HNRNPA2B1: variants seen among roughly 807,000 people sequenced by gnomAD.
HNRNPA2B1 encodes the protein heterogeneous nuclear ribonucleoprotein A2/B1, also known as heterogeneous nuclear ribonucleoproteins A2/B1.
Under a neutral mutation model 46.3 loss-of-function variants are expected in HNRNPA2B1, and 3 were observed. That is an observed-to-expected ratio of 0.06 (90% CI 0.03 to 0.17). The LOEUF (loss-of-function observed/expected upper bound fraction) is 0.17, where lower values mean the gene tolerates loss of function less well. Ranked by LOEUF, HNRNPA2B1 falls within the 10% of genes least tolerant of loss-of-function variation. The pLI, the probability that HNRNPA2B1 is intolerant of heterozygous loss-of-function variation, is 1.00. For missense variants in HNRNPA2B1, 221 were observed against 418.9 expected, an observed-to-expected ratio of 0.53 and a Z score of 4.12; for synonymous variants, 225 against 133.8, an observed-to-expected ratio of 1.68 and a Z score of -4.70.
Position 26,192,542 on chromosome 7 carries a change from C to T in HNRNPA2B1, c.1000G>A (p.Gly334Ser). Residue 334 changes from glycine (G) to serine (S), a missense_variant, in exon 10 of 11, where the codon GGT becomes AGT. Transcript: ENST00000618183. ...YGPGGSGGSGGYGGRSRY is the reference protein window; with the variant it reads ...YGPGGSGGSGSYGGRSRY ...CAGTATCGGCTCCTCCCACCATAAC[C>T]CCCACTTCCTCCACTGCCTCCTGGA... The T allele has an allele frequency of 6.2e-7, 1 of 1,613,984 alleles. No homozygotes were observed. Among genetic ancestry groups the T allele is most frequent in the Non-Finnish European group, 8.5e-7 (1 of 1,179,892 alleles).
chr7:26,197,952 C>CGACCACCG, intron 1 of HNRNPA2B1: 2 of 670,874 alleles, frequency 3.0e-6, no homozygotes, highest in Non-Finnish European at 4.6e-6. Context: ...ATTGCCTCAG[C>CGACCACCG]TGATCTACAC....
intron 6 of HNRNPA2B1, 48 bp from the exon 7 acceptor site, chr7:26,195,957 T>G: frequency 1.3e-6 from 2 of 1,554,180 alleles, no homozygotes; most frequent in Non-Finnish European, 1.7e-6. Flanking sequence ...CTGTTCAGCA[T>G]TATTGCTAAT....
rs1434455188 is a variant in HNRNPA2B1 at position 26,191,165 on chromosome 7, CA to C, written c.*1194del. ...GCAGGGAAAAAAATGATATGTTAAG[CA>C]CCCAAATCTTCACATGGAGGGGGAG... is the stretch of plus-strand genomic sequence containing the variant. On this transcript the variant is annotated 3_prime_UTR_variant, in exon 11 of 11. Coordinates refer to ENST00000618183, the MANE Select transcript of HNRNPA2B1 (RefSeq NM_002137.4). 2 of 147,176 alleles carry C rather than the reference CA, an allele frequency of 1.4e-5. No homozygotes were observed. The allele number at this position is 147,176 out of a possible 1,614,324, so 9.1% of individuals were successfully genotyped here.
chr7:26,195,214 A>C (rs1404092759), intron 7 of HNRNPA2B1, among the ~76,000 whole-genome samples: 2 of 152,030 alleles, frequency 1.3e-5, no homozygotes, highest in African/African-American at 2.4e-5. Flanking sequence ...TAAAAAGTAG[A>C]ACAGTGAGAT....
At position 26,191,349 on chromosome 7, in the gene HNRNPA2B1, AAAGACCATTT is replaced by A. The variant is rs1241724779; in HGVS notation, c.*1001_*1010del. 3.9e-5 allele frequency: 6 copies of A among 152,212 alleles called. No individual in the cohort carries two copies. Among genetic ancestry groups the A allele is most frequent in the African/African-American group, 1.4e-4 (6 of 41,458 alleles). 9.4% of individuals were successfully genotyped at this position (152,212 alleles called of 1,614,324 possible). On this transcript the variant is annotated 3_prime_UTR_variant, in exon 11 of 11. Transcript: ENST00000618183. Reference sequence around the variant, plus strand: ...AAACTACGTAAGAACCACTATACTGAAAGACCATTTAAGAGTATTAGTTTATCTTTTAGGG... The same window carrying A: ...AAACTACGTAAGAACCACTATACTGAAAGAGTATTAGTTTATCTTTTAGGG...
intron 1 of HNRNPA2B1, 184 bp from the exon 2 acceptor site, chr7:26,197,916 G>A (rs758517234): frequency 2.8e-6 from 4 of 1,416,562 alleles, no homozygotes; most frequent in Admixed American, 4.4e-5. Flanking sequence ...ATGTTAAACT[G>A]CATATTAGTT....
At position 26,190,654 on chromosome 7, in the gene HNRNPA2B1, C is replaced by T. The variant is rs1183552744; in HGVS notation, c.*1706G>A. The stretch of plus-strand genomic sequence containing the variant: ...ATATCTAAGGAATGAATTTCAACAG[C>T]CAACCTACAACTTTCTCTTCAGGGT... On this transcript the variant is annotated 3_prime_UTR_variant, in exon 11 of 11. Transcript: ENST00000618183. 1.3e-5 allele frequency: 2 copies of T among 152,148 alleles called. No individual in the cohort carries two copies. The highest frequency in any genetic ancestry group is 4.8e-5 in the African/African-American group (2 of 41,424). The allele number at this position is 152,148 out of a possible 1,614,324, so 9.4% of individuals were successfully genotyped here.
In HNRNPA2B1 at chr7:26,200,142, C is replaced by T. The variant is rs568530380; in HGVS notation, c.6+430G>A. 4.1e-3 allele frequency: 864 copies of T among 209,202 alleles called. 5 individuals carry two copies. Among genetic ancestry groups the T allele is most frequent in the Non-Finnish European group, 6.1e-3 (614 of 101,224 alleles). 13.0% of individuals were successfully genotyped at this position (209,202 alleles called of 1,614,324 possible). On this transcript the variant is annotated intron_variant, in intron 1 of 10. Coordinates refer to ENST00000618183, the MANE Select transcript of HNRNPA2B1 (RefSeq NM_002137.4). ...GGAAGGCGAGCCATGAAAATGGCGG[C>T]CGCCAAATCCGGTTCCCGGGAGAGA... is the stretch of plus-strand genomic sequence containing the variant.
chr7:26,199,265 AAAG>A (rs1342754749), intron 1 of HNRNPA2B1: 1 of 152,642 alleles, frequency 6.6e-6, no homozygotes, highest in Non-Finnish European at 1.5e-5. Context: ...GCTTAGGGTC[AAAG>A]AAAATAACCA....
chr7:26,198,109 T>C (rs1307947605), intron 1 of HNRNPA2B1: 1 of 361,042 alleles, frequency 2.8e-6, no homozygotes, highest in African/African-American at 2.1e-5. Context: ...TTACCAAAAA[T>C]TTCAACCCTA....
chr7:26,198,320 A>G (rs952203266), intron 1 of HNRNPA2B1: 2 of 153,272 alleles, frequency 1.3e-5, no homozygotes, highest in East Asian at 1.9e-4. Context: ...GTTTCTCCAT[A>G]TGACTCTCAG....
Position 26,196,378 on chromosome 7 carries a change from AAC to A in HNRNPA2B1, c.658+21_658+22del, listed in dbSNP as rs781082565. 4 of 1,579,910 alleles carry A rather than the reference AAC, an allele frequency of 2.5e-6. No homozygotes were observed. In the African/African-American group the frequency reaches 5.4e-5, roughly 21 times the overall value. ...AAAATAAAAGCACACTCATCCTTTA[AAC>A]ACGTAGAACTTGAAACTCACCAGAT... On this transcript the variant is annotated intron_variant, in intron 6 of 10. Coordinates refer to ENST00000618183, the MANE Select transcript of HNRNPA2B1 (RefSeq NM_002137.4).
At chr7:26,196,529 A>C in intron 5 of HNRNPA2B1, 28 bp downstream of exon 5, 1 of 1,612,600 alleles carries the variant, frequency 6.2e-7, no homozygotes, top group Non-Finnish European at 8.5e-7. Flanking sequence ...TATGAACAAA[A>C]ATAAAGAAGA....
At chr7:26,199,879 C>G (rs911944557) in intron 1 of HNRNPA2B1, 2 of 152,238 alleles carry the variant, frequency 1.3e-5, no homozygotes, top group Non-Finnish European at 2.9e-5. Context: ...GAGCACCCCC[C>G]CTCCCCGCTC....
intron 7 of HNRNPA2B1, among the ~76,000 whole-genome samples, chr7:26,194,203 T>C (rs1260550979): frequency 6.6e-6 from 1 of 152,146 alleles, no homozygotes; most frequent in Non-Finnish European, 1.5e-5. Context: ...GAGACCACCC[T>C]GGCTAACACG....
chr7:26,200,489 G>T (rs914444663), intron 1 of HNRNPA2B1, 83 bp downstream of exon 1: 2 of 1,394,730 alleles, frequency 1.4e-6, no homozygotes, highest in African/African-American at 1.4e-5. Context: ...TCTCTCCCAC[G>T]GAGGCGGCTG....
At chr7:26,197,961 A>T in intron 1 of HNRNPA2B1, 1 of 741,280 alleles carries the variant, frequency 1.3e-6, no homozygotes, top group Non-Finnish European at 2.2e-6. Flanking sequence ...GCTGATCTAC[A>T]CAAGTTTCAA....
chr7:26,200,313 G>A lies in HNRNPA2B1; in HGVS notation c.6+259C>T. The A allele has an allele frequency of 9.1e-6, 5 of 550,288 alleles. No individual in the cohort carries two copies. In the South Asian group the frequency reaches 1.0e-4, roughly 11 times the overall value. 34.1% of individuals were successfully genotyped at this position (550,288 alleles called of 1,614,324 possible). On this transcript the variant is annotated intron_variant, in intron 1 of 10. Transcript: ENST00000618183. ...TCCGCGCCCCACTTTCACCCCAGCGGGGCAGCGTCCGCCATGTGAAAGCTC... is the reference window on the plus strand; with the variant it reads ...TCCGCGCCCCACTTTCACCCCAGCGAGGCAGCGTCCGCCATGTGAAAGCTC...
rs2128105028 is a variant in HNRNPA2B1 at position 26,191,076 on chromosome 7, A to C, written c.*1284T>G. ...CTTGCCTCAGCTGTTGAAATGAAGCACTTTACAGTCTTTGTGGCAGCAGAA... is the reference window on the plus strand; with the variant it reads ...CTTGCCTCAGCTGTTGAAATGAAGCCCTTTACAGTCTTTGTGGCAGCAGAA... On this transcript the variant is annotated 3_prime_UTR_variant, in exon 11 of 11. Coordinates refer to ENST00000618183, the MANE Select transcript of HNRNPA2B1 (RefSeq NM_002137.4). 1 of 152,126 alleles carries C rather than the reference A, an allele frequency of 6.6e-6. No homozygotes were observed. Among genetic ancestry groups the C allele is most frequent in the South Asian group, 2.1e-4 (1 of 4,826 alleles). The allele number at this position is 152,126 out of a possible 1,614,324, so 9.4% of individuals were successfully genotyped here.
Sources: gnomAD v4.1 joint callset for allele counts (sites outside exome capture counted in the v4.1 genomes callset) on GRCh38, gnomAD v4.1.1 for gene constraint, MANE v1.5 for transcripts, NCBI Gene and HGNC (gene_info 2026-07-23, HGNC 2026-07-21) for gene names.